The following GLCCI1 variants were observed in gnomAD, a reference collection of about 807,000 sequenced individuals.
The protein encoded by GLCCI1 is glucocorticoid induced 1, also known as glucocorticoid-induced transcript 1 protein.
A neutral mutation model predicts 52.2 loss-of-function variants in GLCCI1; 24 were observed. That is an observed-to-expected ratio of 0.46 (90% confidence interval 0.33 to 0.65). The LOEUF (loss-of-function observed/expected upper bound fraction) is 0.65, where lower values mean the gene tolerates loss of function less well. GLCCI1 is among the 30% of genes least tolerant of loss of function. The probability of loss-of-function intolerance (pLI) is 0.02; values close to 1 mark genes in which losing one functional copy is unlikely to be tolerated. For synonymous variants in GLCCI1, 310 were observed against 276.5 expected (o/e 1.12, Z -1.20); for missense variants, 704 against 701.5 (o/e 1.00, Z -0.04).
At chr7:8,045,947 G>A (rs1006077472) in intron 3 of GLCCI1, among the ~76,000 whole-genome samples, 1 of 141,326 alleles carries the variant, frequency 7.1e-6, no homozygotes, top group Non-Finnish European at 1.5e-5. Flanking sequence ...GGAAATGAGA[G>A]TAAGAACCAC....
In GLCCI1 at chr7:8,086,763, G is replaced by A; in HGVS notation, c.*225G>A. On this transcript the variant is annotated 3_prime_UTR_variant, in exon 8 of 8. Coordinates refer to ENST00000223145, the MANE Select transcript of GLCCI1 (RefSeq NM_138426.4). This position sits in a 1 kb window ranked among gnomAD's most constrained non-coding sequence, Gnocchi z 4.4. ...ACGTGTGTGTCATTCAGCATTTTAA[G>A]TGGAGACTATGCATTTCATAGTATA... The A allele has an allele frequency of 3.8e-6, 2 of 528,530 alleles. No individual in the cohort carries two copies. Among genetic ancestry groups the A allele is most frequent in the East Asian group, 3.1e-5 (1 of 32,352 alleles). 32.7% of individuals were successfully genotyped at this position (528,530 alleles called of 1,614,324 possible).
chr7:8,025,534 C>T (rs1781599670), intron 3 of GLCCI1, among the ~76,000 whole-genome samples: 1 of 151,120 alleles, frequency 6.6e-6, no homozygotes, highest in African/African-American at 2.4e-5. Flanking sequence ...CTCTGAAGAA[C>T]AGAGAGGAAA....
At chr7:7,997,748 T>A (rs1267527461) in intron 1 of GLCCI1, among the ~76,000 whole-genome samples, 1 of 151,992 alleles carries the variant, frequency 6.6e-6, no homozygotes, top group East Asian at 1.9e-4. Context: ...GCCAACATAG[T>A]GAAACCCTGT....
At chr7:8,076,532 T>A (rs2127966807) in intron 6 of GLCCI1, among the ~76,000 whole-genome samples, 1 of 152,296 alleles carries the variant, frequency 6.6e-6, no homozygotes, top group Non-Finnish European at 1.5e-5. Flanking sequence ...ATCCAGTAAA[T>A]GCTATTGTCC....
intron 2 of GLCCI1, among the ~76,000 whole-genome samples, chr7:8,016,554 T>C (rs1359700466): frequency 6.6e-6 from 1 of 152,166 alleles, no homozygotes; most frequent in Non-Finnish European, 1.5e-5. Flanking sequence ...GAGAAAGCAG[T>C]ATGCCTCTTA....
intron 3 of GLCCI1, among the ~76,000 whole-genome samples, chr7:8,048,545 T>A (rs866607627): frequency 6.6e-6 from 1 of 152,174 alleles, no homozygotes; most frequent in Non-Finnish European, 1.5e-5. Flanking sequence ...GTCCCCTTAA[T>A]TATGGGGAAC....
chr7:7,972,323 A>ATG (rs140431128), intron 1 of GLCCI1, among the ~76,000 whole-genome samples: 11,099 of 149,746 alleles, frequency 0.074, 450 homozygotes, highest in Middle Eastern at 0.1. Context: ...ACTTCAGTGT[A>ATG]TGTGTGTGTG....
At chr7:8,036,080 A>G (rs563131817) in intron 3 of GLCCI1, among the ~76,000 whole-genome samples, 1 of 152,340 alleles carries the variant, frequency 6.6e-6, no homozygotes, top group Admixed American at 6.5e-5. Context: ...CTTCTGCTGT[A>G]GCTGGCCTTT....
At chr7:7,991,772 T>C (rs1479098274) in intron 1 of GLCCI1, among the ~76,000 whole-genome samples, 4 of 152,116 alleles carry the variant, frequency 2.6e-5, no homozygotes, top group African/African-American at 7.2e-5. Flanking sequence ...GTAAATATCT[T>C]TCTCCATAAA....
At chr7:8,047,740 A>C (rs1782164601) in intron 3 of GLCCI1, among the ~76,000 whole-genome samples, 1 of 152,222 alleles carries the variant, frequency 6.6e-6, no homozygotes, top group South Asian at 2.1e-4. Context: ...TTTAAGTGAT[A>C]ATCACAAAAG....
intron 3 of GLCCI1, among the ~76,000 whole-genome samples, chr7:8,029,420 A>T (rs1781697816): frequency 1.3e-5 from 2 of 152,170 alleles, no homozygotes; most frequent in Admixed American, 1.3e-4. Context: ...AAACCCTCGA[A>T]AAAACTGGCT....
intron 4 of GLCCI1, 104 bp from the exon 5 acceptor site, chr7:8,059,992 A>G (rs1782478357): frequency 1.0e-6 from 1 of 991,794 alleles, no homozygotes; most frequent in African/African-American, 1.6e-5. Context: ...AAGGTCAGAA[A>G]TAACTCCGTT....
At chr7:8,043,514 C>G (rs1301979253) in intron 3 of GLCCI1, among the ~76,000 whole-genome samples, 1 of 152,016 alleles carries the variant, frequency 6.6e-6, no homozygotes, top group Non-Finnish European at 1.5e-5. Flanking sequence ...ATCAAAATTG[C>G]AGAAAAGGCA....
At chr7:8,001,681 T>C (rs925330369) in intron 1 of GLCCI1, among the ~76,000 whole-genome samples, 1 of 152,164 alleles carries the variant, frequency 6.6e-6, no homozygotes, top group African/African-American at 2.4e-5. Context: ...CTATTCACAA[T>C]AGCAAAGACT....
intron 3 of GLCCI1, among the ~76,000 whole-genome samples, chr7:8,025,191 C>T (rs1328995266): frequency 3.9e-5 from 6 of 151,968 alleles, no homozygotes; most frequent in East Asian, 1.9e-4. Flanking sequence ...CTCAGGCCAC[C>T]GATGTGTTCT....
rs368681876 is a variant in GLCCI1, at chr7:8,070,914, C to T, written c.967-7C>T. 6.2e-7 allele frequency: 1 copy of T among 1,612,258 alleles called. No individual in the cohort carries two copies. Among genetic ancestry groups the T allele is most frequent in the African/African-American group, 1.3e-5 (1 of 75,018 alleles). On this transcript the variant is annotated splice_region_variant and splice_polypyrimidine_tract_variant and intron_variant, in intron 5 of 7. Transcript: ENST00000223145. ...CATTTGGATGTTTAATGGTATTCCT[C>T]TTACAGCCGTTGGACATACCAGATG...
intron 3 of GLCCI1, among the ~76,000 whole-genome samples, chr7:8,032,231 T>A (rs1781769195): frequency 6.6e-6 from 1 of 152,056 alleles, no homozygotes; most frequent in Non-Finnish European, 1.5e-5. Context: ...AAATGAAAAC[T>A]CAACTTAGAA....
At chr7:8,085,798 A>G (rs1460564160) in intron 7 of GLCCI1, among the ~76,000 whole-genome samples, 1 of 152,156 alleles carries the variant, frequency 6.6e-6, no homozygotes, top group Non-Finnish European at 1.5e-5. Context: ...AGAAAAAAGG[A>G]GAAAGTGTTT....
intron 4 of GLCCI1, 76 bp downstream of exon 4, chr7:8,055,625 TAAAA>T: frequency 1.2e-6 from 1 of 857,914 alleles, no homozygotes. Context: ...TTTCAGCATT[TAAAA>T]AAACCCATAA....
Sources: gnomAD v4.1 joint callset for allele counts (sites outside exome capture counted in the v4.1 genomes callset) on GRCh38, gnomAD v4.1.1 for gene constraint, Gnocchi (gnomAD v3.1) non-coding constraint, MANE v1.5 for transcripts, NCBI Gene and HGNC (gene_info 2026-07-23, HGNC 2026-07-21) for gene names.